Variants in MX1 observed in about 807,000 individuals in gnomAD.
MX1 encodes interferon-induced GTP-binding protein Mx1.
MX1 carries 66 observed loss-of-function variants against 66.4 expected under a neutral mutation model. That is an observed-to-expected ratio of 0.99 (90% CI 0.82 to 1.22). The LOEUF (loss-of-function observed/expected upper bound fraction) is 1.22, where lower values mean the gene tolerates loss of function less well. Ranked by LOEUF, MX1 falls within the 50% of genes most tolerant of loss-of-function variation. MX1 has a pLI of 0.00. For missense variants in MX1, 787 were observed against 834.3 expected (o/e 0.94, Z 0.70); for synonymous variants, 311 against 318.1 (o/e 0.98, Z 0.24).
intron 13 of MX1, 117 bp from the exon 14 acceptor site, chr21:41,449,020 G>T: frequency 3.0e-5 from 22 of 740,128 alleles, no homozygotes; most frequent in Non-Finnish European, 3.3e-5. Flanking sequence ...GATTTGATTT[G>T]ATACCACTTT....
intron 14 of MX1, among the ~76,000 whole-genome samples, chr21:41,450,393 A>G (rs2090790669): frequency 6.6e-6 from 1 of 152,152 alleles, no homozygotes; most frequent in South Asian, 2.1e-4. Flanking sequence ...CAGCTGCCTC[A>G]TCTTAGCAGT....
Position 41,458,496 on chromosome 21 carries a change from C to T in MX1, c.1759-32C>T, listed in dbSNP as rs745311646. 7.5e-5 allele frequency: 121 copies of T among 1,611,564 alleles called. 2 individuals are homozygous for T. In the Admixed American group the frequency reaches 2.0e-3, roughly 26 times the overall value. ...GAGTCCCCTCCTCACAGTGTCCCCT[C>T]CACCCTCCCGTGAACTGTTCTTTCC... On this transcript the variant is annotated intron_variant, in intron 16 of 16. Transcript: ENST00000398598.
chr21:41,451,346 T>C, intron 15 of MX1, 103 bp downstream of exon 15: 1 of 813,082 alleles, frequency 1.2e-6, no homozygotes, highest in Non-Finnish European at 2.1e-6. Flanking sequence ...CTTTATTGTA[T>C]ACTTTTAGAA....
At chr21:41,457,399 T>C (rs141907923) in intron 16 of MX1, among the ~76,000 whole-genome samples, 1 of 152,368 alleles carries the variant, frequency 6.6e-6, no homozygotes, top group African/African-American at 2.4e-5. Context: ...CCTGAGATGA[T>C]AAATGAGGTG....
At chr21:41,434,521 C>G (rs1477101476) in intron 5 of MX1, among the ~76,000 whole-genome samples, 1 of 152,050 alleles carries the variant, frequency 6.6e-6, no homozygotes, top group African/African-American at 2.4e-5. Flanking sequence ...TCTTCGTTCC[C>G]CCTTTCGTCT....
intron 10 of MX1, chr21:41,442,860 G>C (rs1177100433): frequency 6.6e-6 from 1 of 152,264 alleles, no homozygotes; most frequent in African/African-American, 2.4e-5. Flanking sequence ...CCAGTCGTAA[G>C]AGGACGGATA....
At chr21:41,444,493 A>G (rs1335664463) in intron 11 of MX1, among the ~76,000 whole-genome samples, 1 of 151,174 alleles carries the variant, frequency 6.6e-6, no homozygotes, top group Non-Finnish European at 1.5e-5. Flanking sequence ...TGCCTGGCTA[A>G]TTTTTGTATT....
intron 13 of MX1, among the ~76,000 whole-genome samples, 158 bp from the exon 14 acceptor site, chr21:41,448,979 T>TAA: frequency 1.5e-5 from 2 of 132,348 alleles, no homozygotes; most frequent in Non-Finnish European, 3.3e-5. Context: ...TGTGTGTGTG[T>TAA]AATCCCTGGA....
intron 16 of MX1, among the ~76,000 whole-genome samples, chr21:41,456,100 T>C (rs908591787): frequency 6.6e-6 from 1 of 152,108 alleles, no homozygotes; most frequent in Non-Finnish European, 1.5e-5. Context: ...AAAAATTAGC[T>C]GTGCATGGTG....
chr21:41,456,301 A>G (rs2090957766), intron 16 of MX1, among the ~76,000 whole-genome samples: 1 of 152,080 alleles, frequency 6.6e-6, no homozygotes, highest in Non-Finnish European at 1.5e-5. Flanking sequence ...AAAGAAAGAA[A>G]TATATGTATA....
Position 41,458,713 on chromosome 21 carries a change from A to C in MX1, c.1944A>C (p.Ala648=). The C allele has an allele frequency of 6.2e-7, 1 of 1,613,976 alleles. No homozygotes were observed. Among genetic ancestry groups the C allele is most frequent in the South Asian group, 1.1e-5 (1 of 91,088 alleles). The stretch of plus-strand genomic sequence containing the variant: ...GGAAGTTCCTGAAGGAGCGGCTTGC[A>C]CGGCTGACGCAGGCTCGGCGCCGGC... The part of the protein sequence containing the change: ...DKRKFLKERL[A]RLTQARRRLA... Residue 648 remains alanine, a synonymous_variant, in exon 17 of 17, where the codon GCA becomes GCC. Transcript: ENST00000398598.
intron 13 of MX1, among the ~76,000 whole-genome samples, chr21:41,446,586 T>TG (rs1259869391): frequency 6.6e-6 from 1 of 151,230 alleles, no homozygotes; most frequent in Non-Finnish European, 1.5e-5. Context: ...AAAAAATTGC[T>TG]GGTACAGAAA....
chr21:41,424,410 G>A (rs1173426878), upstream of MX1, among the ~76,000 whole-genome samples: 1 of 152,162 alleles, frequency 6.6e-6, no homozygotes, highest in Non-Finnish European at 1.5e-5. Context: ...GCTGGCTGGG[G>A]GGCTCCTCCC....
intron 13 of MX1, among the ~76,000 whole-genome samples, chr21:41,447,187 C>A (rs961023876): frequency 2.6e-5 from 4 of 152,178 alleles, no homozygotes; most frequent in Non-Finnish European, 4.4e-5. Context: ...CCTTGCCTTG[C>A]AGATGGCCTC....
At position 41,445,826 on chromosome 21, in the gene MX1, A is replaced by G; in HGVS notation, c.1132-174A>G. The G allele has an allele frequency of 2.3e-6, 2 of 873,250 alleles. 1 individual carries two copies. Among genetic ancestry groups the G allele is most frequent in the Admixed American group, 5.7e-5 (2 of 34,976 alleles). 54.1% of individuals were successfully genotyped at this position (873,250 alleles called of 1,614,324 possible). A position where few individuals can be genotyped will look rare whatever the true frequency, so the allele number is the denominator to read the frequency against. ...GCATCACCCAGATCCCTAAGGCAGT[A>G]AGGGGTGGGATAGGATTTTCTAGTG... On this transcript the variant is annotated intron_variant, in intron 12 of 16. Coordinates refer to ENST00000398598, the MANE Select transcript of MX1 (RefSeq NM_002462.5).
chr21:41,451,632 G>C (rs970406920), intron 15 of MX1, among the ~76,000 whole-genome samples: 3 of 152,068 alleles, frequency 2.0e-5, no homozygotes, highest in African/African-American at 7.2e-5. Flanking sequence ...CCAGGAGTTT[G>C]AGACCAGCCT....
intron 15 of MX1, 92 bp from the exon 16 acceptor site, chr21:41,452,529 T>C: frequency 1.4e-6 from 2 of 1,399,170 alleles, no homozygotes; most frequent in Non-Finnish European, 1.9e-6. Context: ...TCACGTTGGG[T>C]AACCTGGTAT....
At chr21:41,455,605 T>C (rs1338794920) in intron 16 of MX1, among the ~76,000 whole-genome samples, 1 of 152,252 alleles carries the variant, frequency 6.6e-6, no homozygotes, top group African/African-American at 2.4e-5. Flanking sequence ...CCCATGCATA[T>C]ACATTTTATA....
chr21:41,452,109 G>A (rs1353854999), intron 15 of MX1, among the ~76,000 whole-genome samples: 1 of 152,154 alleles, frequency 6.6e-6, no homozygotes, highest in Non-Finnish European at 1.5e-5. Flanking sequence ...GGAGTAAGAT[G>A]TTTAGGATGC....
Sources: allele counts gnomAD v4.1 joint callset (sites outside exome capture counted in the v4.1 genomes callset), GRCh38; gene constraint gnomAD v4.1.1; transcripts MANE v1.5; gene names NCBI Gene and HGNC (gene_info 2026-07-23, HGNC 2026-07-21).